The following ADGRE3 variants were observed in gnomAD, a reference collection of about 807,000 sequenced individuals.
ADGRE3 encodes the protein adhesion G protein-coupled receptor E3, also known as EGF-like module receptor 3.
In ADGRE3, 88 loss-of-function variants were observed where a neutral mutation model predicts 80.1. That is an observed-to-expected ratio of 1.10 (90% confidence interval 0.93 to 1.31). The LOEUF (loss-of-function observed/expected upper bound fraction) is 1.31, where lower values mean the gene tolerates loss of function less well. Among genes scored for constraint, ADGRE3 ranks in the 40% most tolerant of loss-of-function variants. The probability of loss-of-function intolerance (pLI) is 0.00; values close to 1 mark genes in which losing one functional copy is unlikely to be tolerated. For synonymous variants in ADGRE3, 281 were observed against 294.8 expected (o/e 0.95, Z 0.48); for missense variants, 715 against 776.5 (o/e 0.92, Z 0.94).
the ADGRE3 span, chr19:14,600,257 C>G: frequency 6.5e-7 from 1 of 1,531,164 alleles, no homozygotes; most frequent in South Asian, 1.2e-5. Context: ...CACATCCCTC[C>G]CTTCCCTGGA....
intron 9 of ADGRE3, among the ~76,000 whole-genome samples, chr19:14,643,455 T>A (rs757709199): frequency 2.6e-5 from 4 of 151,954 alleles, no homozygotes; most frequent in African/African-American, 9.7e-5. Context: ...AGTAATCATA[T>A]CTTTGCCCTG....
In ADGRE3 at chr19:14,674,745, C is replaced by T; in HGVS notation, c.25+1G>A. ...TCAGTCATTGTTACAGTCACACATA[C>T]CTGGAAGAAGCAATGGTCCCTGCAT... On this transcript the variant is annotated splice_donor_variant, in intron 1 of 15. Transcript: ENST00000253673. LOFTEE classifies it high-confidence loss of function. 1 of 1,613,822 alleles carries T rather than the reference C, an allele frequency of 6.2e-7. No homozygotes were observed. Among genetic ancestry groups the T allele is most frequent in the South Asian group, 1.1e-5 (1 of 91,054 alleles).
chr19:14,641,322 C>T, intron 10 of ADGRE3, 97 bp downstream of exon 10: 1 of 1,473,688 alleles, frequency 6.8e-7, no homozygotes, highest in Non-Finnish European at 9.5e-7. Context: ...CCTCTACAGA[C>T]CCAAGGACAT....
downstream of ADGRE3, among the ~76,000 whole-genome samples, chr19:14,614,880 G>A (rs1048207908): frequency 7.1e-5 from 8 of 111,984 alleles, no homozygotes; most frequent in East Asian, 1.3e-3. Flanking sequence ...CACTGTGCCC[G>A]GCCCCCATTT....
downstream of ADGRE3, among the ~76,000 whole-genome samples, chr19:14,617,873 A>G (rs371922476): frequency 6.6e-6 from 1 of 152,188 alleles, no homozygotes; most frequent in Non-Finnish European, 1.5e-5. Flanking sequence ...ACTTAAAAAA[A>G]AAATCACCCA....
chr19:14,634,596 G>T (rs1599613398), intron 11 of ADGRE3, among the ~76,000 whole-genome samples: 1 of 152,118 alleles, frequency 6.6e-6, no homozygotes, highest in Non-Finnish European at 1.5e-5. Context: ...CATTTTAGGA[G>T]CACAGTCCTG....
intron 1 of ADGRE3, among the ~76,000 whole-genome samples, chr19:14,674,090 A>G (rs1225258196): frequency 6.6e-6 from 1 of 152,168 alleles, no homozygotes; most frequent in Non-Finnish European, 1.5e-5. Flanking sequence ...AGGAGGGAGA[A>G]GAAAGAATAG....
chr19:14,669,614 G>A (rs1170792415), intron 1 of ADGRE3, among the ~76,000 whole-genome samples: 3 of 151,828 alleles, frequency 2.0e-5, no homozygotes, highest in South Asian at 2.1e-4. Flanking sequence ...TTAGCCTCCC[G>A]AGTAGCTTGG....
downstream of ADGRE3, among the ~76,000 whole-genome samples, chr19:14,615,683 A>T (rs1469697085): frequency 6.7e-6 from 1 of 149,336 alleles, no homozygotes; most frequent in Non-Finnish European, 1.5e-5. Context: ...ATTTGCTTGA[A>T]CCCGGGAGGC....
rs777635600 is a variant in ADGRE3 at position 14,636,118 on chromosome 19, CT to C, written c.1484+1986del. Among the ~76,000 whole-genome samples, 32 of 63,770 alleles carry C rather than the reference CT, an allele frequency of 5.0e-4. 5 individuals are homozygous for C. The highest frequency in any genetic ancestry group is 1.0e-3 in the Admixed American group (5 of 4,872). The allele number at this position is 63,770 out of a possible 152,430, so 41.8% of individuals were successfully genotyped here. ...TCTTTCTTTCTTTCTTTCTTTCTTT[CT>C]TTCTTTCTTTCTTTCTTTCTTTCTT... On this transcript the variant is annotated intron_variant, in intron 11 of 15. Coordinates refer to ENST00000253673, the MANE Select transcript of ADGRE3 (RefSeq NM_032571.5).
chr19:14,626,018 T>C (rs188923925), intron 14 of ADGRE3, among the ~76,000 whole-genome samples: 1 of 152,310 alleles, frequency 6.6e-6, no homozygotes, highest in East Asian at 1.9e-4. Flanking sequence ...ATGTTGGTGA[T>C]GGTTGCACCA....
chr19:14,617,315 C>A (rs2075080747), downstream of ADGRE3, among the ~76,000 whole-genome samples: 1 of 94,354 alleles, frequency 1.1e-5, no homozygotes, highest in Non-Finnish European at 2.4e-5. Context: ...CTCTCTCTTC[C>A]CCTTGCTTCC....
At chr19:14,620,568 A>ATATATATTTT (rs1435435269) in intron 15 of ADGRE3, among the ~76,000 whole-genome samples, 3 of 11,048 alleles carry the variant, frequency 2.7e-4, no homozygotes, top group East Asian at 5.8e-3. Flanking sequence ...ATATATATAT[A>ATATATATTTT]TTTTTTTTTT....
At chr19:14,663,586 T>C in intron 2 of ADGRE3, 46 bp from the exon 3 acceptor site, 1 of 1,587,648 alleles carries the variant, frequency 6.3e-7, no homozygotes, top group Non-Finnish European at 8.6e-7. Flanking sequence ...GGTCACAAAC[T>C]CTCCTGTTAT....
At chr19:14,668,554 A>G (rs766364251) in intron 2 of ADGRE3, 22 of 503,726 alleles carry the variant, frequency 4.4e-5, no homozygotes, top group Non-Finnish European at 6.7e-5. Flanking sequence ...TTTCTGTTCT[A>G]TCTCCACTTT....
At chr19:14,624,206 T>A (rs542459712) in intron 15 of ADGRE3, among the ~76,000 whole-genome samples, 1 of 152,020 alleles carries the variant, frequency 6.6e-6, no homozygotes, top group African/African-American at 2.4e-5. Flanking sequence ...GCGATTCTTC[T>A]GCTTCAGCCT....
chr19:14,637,018 C>T (rs1366407131), intron 11 of ADGRE3, among the ~76,000 whole-genome samples: 10 of 151,990 alleles, frequency 6.6e-5, no homozygotes, highest in South Asian at 6.2e-4. Context: ...CGCTTGAACC[C>T]GGGAGGTGGA....
intron 9 of ADGRE3, among the ~76,000 whole-genome samples, chr19:14,643,144 G>GTTTTTTTTTTTTT (rs373306807): frequency 5.1e-4 from 63 of 124,060 alleles, no homozygotes; most frequent in African/African-American, 1.9e-3. Flanking sequence ...AGTAATCATG[G>GTTTTTTTTTTTTT]TTTTTTTTTT....
At chr19:14,656,799 T>C (rs1045166854) in intron 5 of ADGRE3, among the ~76,000 whole-genome samples, 1 of 152,186 alleles carries the variant, frequency 6.6e-6, no homozygotes, top group African/African-American at 2.4e-5. Flanking sequence ...AAAGAAAATT[T>C]GGGGCTGCTC....
Sources: allele counts gnomAD v4.1 joint callset (sites outside exome capture counted in the v4.1 genomes callset), GRCh38; gene constraint gnomAD v4.1.1; transcripts MANE v1.5; gene names NCBI Gene and HGNC (gene_info 2026-07-23, HGNC 2026-07-21).